SLC30A9: variants seen among roughly 807,000 people sequenced by gnomAD.
SLC30A9 encodes the protein proton-coupled zinc antiporter SLC30A9, mitochondrial.
In SLC30A9, 58 loss-of-function variants were observed where a neutral mutation model predicts 87.5. The observed-to-expected ratio is 0.66, with a 90% CI of 0.54 to 0.82. The LOEUF (loss-of-function observed/expected upper bound fraction) is 0.82. Among genes scored for constraint, SLC30A9 ranks in the 40% least tolerant of loss-of-function variants. The pLI, the probability that SLC30A9 is intolerant of heterozygous loss-of-function variation, is 0.00. For synonymous variants in SLC30A9, 234 were observed against 233.0 expected (o/e 1.00, Z -0.04); for missense variants, 557 against 679.1 (o/e 0.82, Z 2.00).
chr4:42,072,812 C>CTTT (rs71200203), intron 15 of SLC30A9, among the ~76,000 whole-genome samples: 6 of 118,186 alleles, frequency 5.1e-5, no homozygotes, highest in African/African-American at 1.8e-4. Flanking sequence ...TTGTTCTATC[C>CTTT]TTTTTTTTTT....
chr4:42,018,936 A>T (rs547670298), intron 3 of SLC30A9, among the ~76,000 whole-genome samples: 3 of 152,144 alleles, frequency 2.0e-5, no homozygotes, highest in South Asian at 2.1e-4. Flanking sequence ...AAATTTTTTT[A>T]AAAATTTTTT....
At chr4:42,014,555 C>CA (rs36063492) in intron 2 of SLC30A9, among the ~76,000 whole-genome samples, 83,035 of 129,076 alleles carry the variant, frequency 0.64, 29,389 homozygotes, top group East Asian at 0.95. Context: ...GACTCCGTCG[C>CA]AAAAAAAAAA....
intron 2 of SLC30A9, among the ~76,000 whole-genome samples, chr4:42,004,073 A>G (rs1038637580): frequency 5.9e-5 from 9 of 152,188 alleles, no homozygotes; most frequent in Non-Finnish European, 8.8e-5. Flanking sequence ...TGTCTGATGT[A>G]CATCCTATAC....
At chr4:42,037,236 CTTCTTTTTTTTTTT>C (rs1716713026) in intron 7 of SLC30A9, among the ~76,000 whole-genome samples, 1 of 88,528 alleles carries the variant, frequency 1.1e-5, no homozygotes. Context: ...AATTAAATGC[CTTCTTTTTTTTTTT>C]TTTTTTTTTT....
chr4:42,076,961 C>CAAAAAAAAA (rs36152706), intron 16 of SLC30A9, among the ~76,000 whole-genome samples: 2 of 29,650 alleles, frequency 6.7e-5, no homozygotes, highest in African/African-American at 1.5e-4. Flanking sequence ...GACTCCGTCT[C>CAAAAAAAAA]AAAAAAAAAA....
At chr4:42,022,045 C>A (rs62302120) in intron 4 of SLC30A9, among the ~76,000 whole-genome samples, 1 of 33,782 alleles carries the variant, frequency 3.0e-5, no homozygotes, top group African/African-American at 4.3e-5. Flanking sequence ...ACGCCATTCT[C>A]CTGCCTCAGC....
rs567164008 is a variant in SLC30A9, at chr4:42,037,857, G to A, written c.670-1129G>A. Among the ~76,000 whole-genome samples, 7 of 152,052 alleles carry A rather than the reference G, an allele frequency of 4.6e-5. No homozygotes were observed. The East Asian group carries it at 9.7e-4, about 21-fold the overall frequency. On this transcript the variant is annotated intron_variant, in intron 7 of 17. Transcript: ENST00000264451. ...ACGATCTCAGCTCACTGCAACCTCC[G>A]CCTCCCGGGTTCAAGAGATTCTCAT...
chr4:42,078,997 T>A (rs1718660182), intron 17 of SLC30A9: 1 of 152,188 alleles, frequency 6.6e-6, no homozygotes. Flanking sequence ...AACTTCCATC[T>A]CTACTTTTCA....
At position 42,088,116 on chromosome 4, in the gene SLC30A9, T is replaced by C. The variant is rs752767632; in HGVS notation, c.*1990T>C. 5 of 152,252 alleles carry C rather than the reference T, an allele frequency of 3.3e-5. No homozygotes were observed. The highest frequency in any genetic ancestry group is 7.3e-5 in the Non-Finnish European group (5 of 68,052). 9.4% of individuals were successfully genotyped at this position (152,252 alleles called of 1,614,324 possible). A position where few individuals can be genotyped will look rare whatever the true frequency, so the allele number is the denominator to read the frequency against. Reference sequence around the variant, plus strand: ...TGAAGGTTTATGTTGCCATCTTTTCTAATTCTGTTTTGCACTGATAAACTT... The same window carrying C: ...TGAAGGTTTATGTTGCCATCTTTTCCAATTCTGTTTTGCACTGATAAACTT... On this transcript the variant is annotated 3_prime_UTR_variant, in exon 18 of 18. Transcript: ENST00000264451.
In SLC30A9 at chr4:42,070,584, C is replaced by G; in HGVS notation, c.1311C>G (p.Val437=). 6.2e-7 allele frequency: 1 copy of G among 1,613,426 alleles called. No homozygotes were observed. Among genetic ancestry groups the G allele is most frequent in the Non-Finnish European group, 8.5e-7 (1 of 1,179,662 alleles). ...SLGVGTLLGM[V]SAFLIYTNTE... ...GTGTGGGCACCTTATTAGGCATGGT[C>G]TCAGCATTCCTCATCTACACTAACA... is the stretch of plus-strand genomic sequence containing the variant. The change falls in exon 15 of 18, where the codon GTC becomes GTG. Residue 437 remains valine, a synonymous_variant. Transcript: ENST00000264451.
chr4:42,035,726 C>T (rs1716652418), intron 7 of SLC30A9, among the ~76,000 whole-genome samples: 1 of 151,886 alleles, frequency 6.6e-6, no homozygotes, highest in South Asian at 2.1e-4. Context: ...GAACTCCTGA[C>T]CTCAGGTGAT....
chr4:42,007,603 TAGCCGG>T (rs11278023), intron 2 of SLC30A9, among the ~76,000 whole-genome samples: 97,864 of 151,278 alleles, frequency 0.65, 35,739 homozygotes, highest in East Asian at 0.96. Flanking sequence ...TACAAAAAAT[TAGCCGG>T]AGCCGGGCAT....
intron 1 of SLC30A9, among the ~76,000 whole-genome samples, chr4:41,995,102 A>C (rs1227547658): frequency 2.6e-5 from 4 of 152,044 alleles, no homozygotes; most frequent in Non-Finnish European, 5.9e-5. Context: ...TACTAAAAAC[A>C]CAAAAAAATT....
intron 6 of SLC30A9, among the ~76,000 whole-genome samples, chr4:42,034,767 C>G (rs1716609257): frequency 6.6e-6 from 1 of 152,204 alleles, no homozygotes; most frequent in Admixed American, 6.5e-5. Flanking sequence ...TGAGGCCCCA[C>G]TTGCTATTCT....
chr4:42,034,082 C>T (rs911380224), intron 6 of SLC30A9, among the ~76,000 whole-genome samples: 3 of 151,804 alleles, frequency 2.0e-5, no homozygotes, highest in African/African-American at 7.3e-5. Flanking sequence ...TTTTGTAATA[C>T]AAAAATTTGA....
At chr4:42,078,028 A>G (rs1718623422) in intron 16 of SLC30A9, among the ~76,000 whole-genome samples, 184 bp from the exon 17 acceptor site, 1 of 152,072 alleles carries the variant, frequency 6.6e-6, no homozygotes, top group Non-Finnish European at 1.5e-5. Context: ...GTGTAGTATT[A>G]TACTCAGTTT....
At chr4:42,078,151 T>A in intron 16 of SLC30A9, 61 bp from the exon 17 acceptor site, 1 of 765,248 alleles carries the variant, frequency 1.3e-6, no homozygotes. Context: ...TTTTAAGGAG[T>A]CATAAGTGTA....
chr4:42,026,895 C>T (rs1716215858), intron 6 of SLC30A9, among the ~76,000 whole-genome samples: 1 of 152,110 alleles, frequency 6.6e-6, no homozygotes, highest in African/African-American at 2.4e-5. Flanking sequence ...GGGTCAGTGT[C>T]CACAAATTGT....
intron 9 of SLC30A9, among the ~76,000 whole-genome samples, 192 bp from the exon 10 acceptor site, chr4:42,059,999 T>C (rs1394201244): frequency 6.6e-6 from 1 of 152,148 alleles, no homozygotes; most frequent in Non-Finnish European, 1.5e-5. Flanking sequence ...TAAACAATGG[T>C]GTTTTGAACC....
Sources: allele counts gnomAD v4.1 joint callset (sites outside exome capture counted in the v4.1 genomes callset), GRCh38; gene constraint gnomAD v4.1.1; transcripts MANE v1.5; gene names NCBI Gene and HGNC (gene_info 2026-07-23, HGNC 2026-07-21).